The following RSRC1 variants were observed in gnomAD, a reference collection of about 807,000 sequenced individuals.
The protein encoded by RSRC1 is serine/Arginine-related protein 53.
In RSRC1, 39 loss-of-function variants were observed where a neutral mutation model predicts 49.1. That is an observed-to-expected ratio of 0.79 (90% confidence interval 0.61 to 1.04). RSRC1 has a LOEUF of 1.04. Among genes scored for constraint, RSRC1 ranks in the 50% least tolerant of loss-of-function variants. The probability of loss-of-function intolerance (pLI) is 0.00; values close to 1 mark genes in which losing one functional copy is unlikely to be tolerated. For synonymous variants in RSRC1, 143 were observed against 130.8 expected (o/e 1.09, Z -0.63); for missense variants, 388 against 402.4 (o/e 0.96, Z 0.31).
chr3:158,124,373 C>T (rs1374619667), intron 3 of RSRC1, among the ~76,000 whole-genome samples: 4 of 152,122 alleles, frequency 2.6e-5, no homozygotes, highest in Non-Finnish European at 5.9e-5. Context: ...GGACTTATGG[C>T]TTGCAGTTTT....
At chr3:158,346,311 C>T (rs1202393382) in intron 5 of RSRC1, among the ~76,000 whole-genome samples, 3 of 151,874 alleles carry the variant, frequency 2.0e-5, no homozygotes, top group Non-Finnish European at 2.9e-5. Context: ...GAACCTGCCT[C>T]TTAAAAAGAA....
intron 7 of RSRC1, among the ~76,000 whole-genome samples, chr3:158,515,701 C>G (rs1740480793): frequency 6.8e-6 from 1 of 146,520 alleles, no homozygotes; most frequent in Non-Finnish European, 1.5e-5. Flanking sequence ...TGTTTTCCAA[C>G]TTGGTTCCAT....
intron 6 of RSRC1, among the ~76,000 whole-genome samples, chr3:158,414,360 C>G (rs1293587637): frequency 3.9e-5 from 6 of 151,910 alleles, no homozygotes; most frequent in African/African-American, 1.5e-4. Flanking sequence ...TGAGAACACA[C>G]AGACACAGAG....
At chr3:158,339,233 A>G (rs1730091995) in intron 5 of RSRC1, among the ~76,000 whole-genome samples, 2 of 144,728 alleles carry the variant, frequency 1.4e-5, no homozygotes, top group Admixed American at 1.4e-4. Flanking sequence ...CGGAGCTTGC[A>G]GTGAGCAGAG....
chr3:158,203,195 A>G lies in RSRC1; in HGVS notation c.444A>G (p.Glu148=). 1 of 1,611,924 alleles carries G rather than the reference A, an allele frequency of 6.2e-7. No individual in the cohort carries two copies. Among genetic ancestry groups the G allele is most frequent in the Non-Finnish European group, 8.5e-7 (1 of 1,178,988 alleles). Reference sequence around the variant, plus strand: ...AGGGCAGAGATAAAGAGAAAAGAGAAAAGGAGAAGGATAAAGGGAAGGACA... The same window carrying G: ...AGGGCAGAGATAAAGAGAAAAGAGAGAAGGAGAAGGATAAAGGGAAGGACA... ...RRKGRDKEKR[E]KEKDKGKDKE... is the part of the protein sequence containing the mutation. Residue 148 remains glutamate, a synonymous_variant, in exon 4 of 10, where the codon GAA becomes GAG. Coordinates refer to ENST00000611884, the MANE Select transcript of RSRC1 (RefSeq NM_001271838.2).
intron 4 of RSRC1, among the ~76,000 whole-genome samples, chr3:158,223,606 T>TTTTG (rs1722348407): frequency 6.6e-6 from 1 of 151,236 alleles, no homozygotes; most frequent in Non-Finnish European, 1.5e-5. Context: ...TTTTTTGCTT[T>TTTTG]CAATCTTGTC....
chr3:158,234,025 G>A (rs1390578041), intron 4 of RSRC1, among the ~76,000 whole-genome samples: 10 of 152,132 alleles, frequency 6.6e-5, no homozygotes, highest in Non-Finnish European at 1.5e-4. Flanking sequence ...GGAAGAGCAG[G>A]GATAATCGCC....
chr3:158,181,653 C>T (rs987862136), intron 3 of RSRC1, among the ~76,000 whole-genome samples: 17 of 152,102 alleles, frequency 1.1e-4, no homozygotes, highest in African/African-American at 4.1e-4. Flanking sequence ...GTTATTGTAA[C>T]TTATCTGTTA....
intron 3 of RSRC1, among the ~76,000 whole-genome samples, chr3:158,191,779 C>A (rs902367644): frequency 6.6e-6 from 1 of 151,894 alleles, no homozygotes; most frequent in Non-Finnish European, 1.5e-5. Context: ...AATATAGTTT[C>A]TTTGGCTTTT....
chr3:158,291,700 A>AT (rs910365576), intron 4 of RSRC1, among the ~76,000 whole-genome samples: 4 of 152,176 alleles, frequency 2.6e-5, no homozygotes, highest in Non-Finnish European at 2.9e-5. Flanking sequence ...AAAGAATAGT[A>AT]TTTTTTCAAA....
At chr3:158,171,772 A>G (rs1718895161) in intron 3 of RSRC1, among the ~76,000 whole-genome samples, 1 of 152,042 alleles carries the variant, frequency 6.6e-6, no homozygotes, top group Non-Finnish European at 1.5e-5. Context: ...CCAAATAGAC[A>G]GATCCTGTAT....
intron 6 of RSRC1, among the ~76,000 whole-genome samples, chr3:158,411,123 G>C (rs954194608): frequency 6.6e-6 from 1 of 152,066 alleles, no homozygotes; most frequent in Admixed American, 6.6e-5. Context: ...TGTAGCTGCA[G>C]CATGTTCATT....
At chr3:158,410,130 A>G (rs745331180) in intron 6 of RSRC1, among the ~76,000 whole-genome samples, 5 of 151,960 alleles carry the variant, frequency 3.3e-5, no homozygotes, top group Non-Finnish European at 7.4e-5. Flanking sequence ...AAAGCGGGCA[A>G]TTTTCTTTGT....
chr3:158,130,537 T>C (rs965744253), intron 3 of RSRC1, among the ~76,000 whole-genome samples: 2 of 152,216 alleles, frequency 1.3e-5, no homozygotes, highest in Non-Finnish European at 2.9e-5. Context: ...TGAGATATCT[T>C]GGGGATAACA....
intron 3 of RSRC1, among the ~76,000 whole-genome samples, chr3:158,170,670 T>C (rs1352679494): frequency 6.6e-6 from 1 of 152,158 alleles, no homozygotes; most frequent in Non-Finnish European, 1.5e-5. Flanking sequence ...AGTTGTAGAA[T>C]TGCACAGTGG....
intron 6 of RSRC1, among the ~76,000 whole-genome samples, chr3:158,380,352 C>A (rs1470735725): frequency 6.6e-6 from 1 of 152,068 alleles, no homozygotes; most frequent in African/African-American, 2.4e-5. Flanking sequence ...CCCAGCTACT[C>A]AGGAAGCTGA....
chr3:158,368,469 T>C (rs774788621), intron 6 of RSRC1, among the ~76,000 whole-genome samples: 17 of 152,248 alleles, frequency 1.1e-4, no homozygotes, highest in Non-Finnish European at 2.1e-4. Flanking sequence ...GACCATGCTT[T>C]GTCCTTATGC....
At chr3:158,496,010 G>C (rs376888146) in intron 7 of RSRC1, among the ~76,000 whole-genome samples, 6 of 152,160 alleles carry the variant, frequency 3.9e-5, no homozygotes, top group African/African-American at 1.4e-4. Context: ...TGTTATATAG[G>C]TACAAGTGTA....
chr3:158,206,075 T>C (rs1224879176), intron 4 of RSRC1, among the ~76,000 whole-genome samples: 1 of 152,224 alleles, frequency 6.6e-6, no homozygotes, highest in Non-Finnish European at 1.5e-5. Flanking sequence ...AATGGGTGTC[T>C]GGCTGGATTT....
Sources: gnomAD v4.1 joint callset for allele counts (sites outside exome capture counted in the v4.1 genomes callset) on GRCh38, gnomAD v4.1.1 for gene constraint, MANE v1.5 for transcripts, NCBI Gene and HGNC (gene_info 2026-07-23, HGNC 2026-07-21) for gene names.